The following ASS1 variants were observed in gnomAD, a reference collection of about 807,000 sequenced individuals.
The protein encoded by ASS1 is argininosuccinate synthase.
Under a neutral mutation model 60.5 loss-of-function variants are expected in ASS1, and 58 were observed. That is an observed-to-expected ratio of 0.96 (90% CI 0.78 to 1.19). The LOEUF is 1.19. ASS1 is among the 50% of genes most tolerant of loss of function. The probability of loss-of-function intolerance (pLI) is 0.00; values close to 1 mark genes in which losing one functional copy is unlikely to be tolerated. For missense variants in ASS1, 454 were observed against 547.3 expected (o/e 0.83, Z 1.70); for synonymous variants, 200 against 206.9 (o/e 0.97, Z 0.29).
In ASS1 at chr9:130,445,095, C is replaced by G. The variant is rs895653699; in HGVS notation, c.-6+100C>G. The G allele has an allele frequency of 6.2e-6, 6 of 960,606 alleles. No homozygotes were observed. In the African/African-American group the frequency reaches 1.1e-4, roughly 17 times the overall value. 59.5% of individuals were successfully genotyped at this position (960,606 alleles called of 1,614,324 possible). On this transcript the variant is annotated intron_variant, in intron 1 of 14. Transcript: ENST00000352480. Reference sequence around the variant, plus strand: ...GCGTAGAAGACGCCCGCCCCGGGGCCCGCGGAGGCAGAGGGCGGACCCCGA... The same window carrying G: ...GCGTAGAAGACGCCCGCCCCGGGGCGCGCGGAGGCAGAGGGCGGACCCCGA...
chr9:130,447,829 C>G (rs1845231576), intron 1 of ASS1, among the ~76,000 whole-genome samples: 1 of 152,182 alleles, frequency 6.6e-6, no homozygotes, highest in Non-Finnish European at 1.5e-5. Context: ...AGGAACTTGG[C>G]TGAGGTCAGC....
chr9:130,449,864 A>T (rs1382083314), intron 1 of ASS1, among the ~76,000 whole-genome samples: 3 of 152,210 alleles, frequency 2.0e-5, no homozygotes, highest in African/African-American at 7.2e-5. Context: ...TTATTTTTGT[A>T]GTTGATGAAT....
At chr9:130,462,134 C>T (rs921552101) in intron 4 of ASS1, among the ~76,000 whole-genome samples, 1 of 152,150 alleles carries the variant, frequency 6.6e-6, no homozygotes, top group Non-Finnish European at 1.5e-5. Context: ...TGGGGTGGCC[C>T]TTGCGGGGCT....
rs952336973 is a variant in ASS1 at position 130,491,138 on chromosome 9, C to T, written c.970+1674C>T. ...TGGTTATTGGCTGGCGTTATTTCTC[C>T]CTGCCATTGTTCCTTGCAGCTTTGA... On this transcript the variant is annotated intron_variant, in intron 12 of 14. Transcript: ENST00000352480. The surrounding 1 kb of genome is among the most constrained non-coding windows in gnomAD (Gnocchi z 5.3). Among the ~76,000 whole-genome samples, 9 of 152,206 alleles carry T rather than the reference C, an allele frequency of 5.9e-5. No individual in the cohort carries two copies. Among genetic ancestry groups the T allele is most frequent in the African/African-American group, 1.9e-4 (8 of 41,462 alleles).
Position 130,459,660 on chromosome 9 carries a change from C to T in ASS1, c.363+1071C>T, listed in dbSNP as rs1845540010. 1.3e-5 allele frequency among the ~76,000 whole-genome samples: 2 copies of T among 152,176 alleles called. No individual in the cohort carries two copies. The highest frequency in any genetic ancestry group is 4.8e-5 in the African/African-American group (2 of 41,452). ...ATGTTGGGCAGGCTGGTCTTGAACT[C>T]CTGACCTCAAATGATCCACCAGCCT... On this transcript the variant is annotated intron_variant, in intron 4 of 14. Coordinates refer to ENST00000352480, the MANE Select transcript of ASS1 (RefSeq NM_054012.4). This position sits in a 1 kb window ranked among gnomAD's most constrained non-coding sequence, Gnocchi z 4.6.
intron 5 of ASS1, among the ~76,000 whole-genome samples, chr9:130,466,110 A>C (rs1030661718): frequency 2.6e-5 from 4 of 152,028 alleles, no homozygotes; most frequent in African/African-American, 7.2e-5. Flanking sequence ...CTCCACCCCC[A>C]CACACACATG....
rs545051848 is a variant in ASS1, at chr9:130,450,644, T to C, written c.-5-1580T>C. Reference sequence around the variant, plus strand: ...TGGGACCGTGCAGCATGCACGGGACTGAATTCTCATGTGACGGAGCTCCAA... The same window carrying C: ...TGGGACCGTGCAGCATGCACGGGACCGAATTCTCATGTGACGGAGCTCCAA... On this transcript the variant is annotated intron_variant, in intron 1 of 14. Transcript: ENST00000352480. Among the ~76,000 whole-genome samples the C allele has an allele frequency of 3.3e-5, 5 of 152,354 alleles. No individual in the cohort carries two copies. The East Asian group carries it at 9.7e-4, about 29-fold the overall frequency.
chr9:130,454,747 GCCAT>G (rs1165812230), intron 3 of ASS1, among the ~76,000 whole-genome samples: 5 of 141,172 alleles, frequency 3.5e-5, no homozygotes, highest in Non-Finnish European at 6.2e-5. Context: ...CATCCATTCA[GCCAT>G]CCATCCATCC....
intron 3 of ASS1, among the ~76,000 whole-genome samples, chr9:130,455,987 G>A (rs192994138): frequency 4.7e-4 from 72 of 152,350 alleles, no homozygotes; most frequent in Non-Finnish European, 9.6e-4. Flanking sequence ...AGTAGTCCAG[G>A]AAGGGGAGAA....
At chr9:130,495,462 C>T (rs1403630812) in intron 13 of ASS1, among the ~76,000 whole-genome samples, 146 of 107,206 alleles carry the variant, frequency 1.4e-3, no homozygotes, top group Middle Eastern at 4.7e-3. Context: ...TATATATATA[C>T]ACATACATAT....
Position 130,489,047 on chromosome 9 carries a change from G to T in ASS1, c.839-286G>T, listed in dbSNP as rs1440959701. 6.6e-6 allele frequency among the ~76,000 whole-genome samples: 1 copy of T among 152,124 alleles called. No homozygotes were observed. Among genetic ancestry groups the T allele is most frequent in the East Asian group, 1.9e-4 (1 of 5,194 alleles). Reference sequence around the variant, plus strand: ...GGTGGGCACGCATGGGGAGGGAGGGGTTGCTGCTCCGAAACCCTGTCATTT... The same window carrying T: ...GGTGGGCACGCATGGGGAGGGAGGGTTTGCTGCTCCGAAACCCTGTCATTT... On this transcript the variant is annotated intron_variant, in intron 11 of 14. Transcript: ENST00000352480. This position sits in a 1 kb window ranked among gnomAD's most constrained non-coding sequence, Gnocchi z 4.1.
At position 130,471,574 on chromosome 9, in the gene ASS1, G is replaced by A. The variant is rs899717122; in HGVS notation, c.597+59G>A. 8 of 1,558,082 alleles carry A rather than the reference G, an allele frequency of 5.1e-6. No homozygotes were observed. The Admixed American group carries it at 1.3e-4, about 26-fold the overall frequency. On this transcript the variant is annotated intron_variant, in intron 8 of 14. Transcript: ENST00000352480. ...CCACCTTTGGTGGTAGCAGCTCCAT[G>A]CCGATGCTGTCTGATGTATTTATAG...
intron 4 of ASS1, among the ~76,000 whole-genome samples, chr9:130,461,524 C>T (rs996599260): frequency 1.3e-5 from 2 of 152,186 alleles, no homozygotes; most frequent in Non-Finnish European, 2.9e-5. Context: ...TGCATTCACA[C>T]TCAGAAGACC....
intron 3 of ASS1, among the ~76,000 whole-genome samples, chr9:130,456,948 TAGAG>T (rs1316646477): frequency 6.6e-6 from 1 of 151,798 alleles, no homozygotes; most frequent in African/African-American, 2.4e-5. Context: ...CTGAAGGCCT[TAGAG>T]AGCTTTTGTG....
Position 130,501,273 on chromosome 9 carries a change from T to G in ASS1, c.*252T>G. Reference sequence around the variant, plus strand: ...AAAAGAGACACTAGTCTTTTATTTCTAGTGAGTGTGTGTGTGTGTGTGTGT... The same window carrying G: ...AAAAGAGACACTAGTCTTTTATTTCGAGTGAGTGTGTGTGTGTGTGTGTGT... On this transcript the variant is annotated 3_prime_UTR_variant, in exon 15 of 15. Transcript: ENST00000352480. The G allele has an allele frequency of 2.0e-6, 1 of 488,398 alleles. No individual in the cohort carries two copies. Among genetic ancestry groups the G allele is most frequent in the Non-Finnish European group, 3.6e-6 (1 of 276,390 alleles). The allele number at this position is 488,398 out of a possible 1,614,324, so 30.3% of individuals were successfully genotyped here.
At chr9:130,447,770 C>T (rs990372703) in intron 1 of ASS1, among the ~76,000 whole-genome samples, 1 of 152,102 alleles carries the variant, frequency 6.6e-6, no homozygotes, top group African/African-American at 2.4e-5. Context: ...GGTCAGAACC[C>T]AGAGGGCTGT....
At chr9:130,498,412 T>C (rs543254967) in intron 13 of ASS1, among the ~76,000 whole-genome samples, 127 of 152,306 alleles carry the variant, frequency 8.3e-4, no homozygotes, top group African/African-American at 3.0e-3. Context: ...TGAGTCCACG[T>C]GCCCTAAGTG....
intron 11 of ASS1, among the ~76,000 whole-genome samples, chr9:130,486,666 A>C (rs1333146820): frequency 6.6e-6 from 1 of 152,170 alleles, no homozygotes; most frequent in Non-Finnish European, 1.5e-5. Context: ...CAGACGGTGG[A>C]CATGCCGAAG....
At chr9:130,448,797 C>G (rs902799575) in intron 1 of ASS1, among the ~76,000 whole-genome samples, 1 of 152,166 alleles carries the variant, frequency 6.6e-6, no homozygotes, top group Admixed American at 6.5e-5. Flanking sequence ...CTCCTGACCT[C>G]AAGTGATCCA....
Sources: gnomAD v4.1 joint callset for allele counts (sites outside exome capture counted in the v4.1 genomes callset) on GRCh38, gnomAD v4.1.1 for gene constraint, Gnocchi (gnomAD v3.1) non-coding constraint, MANE v1.5 for transcripts, NCBI Gene and HGNC (gene_info 2026-07-23, HGNC 2026-07-21) for gene names.